Variants in TMEM135 observed in about 807,000 individuals in gnomAD.
TMEM135 encodes peroxisomal membrane protein 52.
A neutral mutation model predicts 60.3 loss-of-function variants in TMEM135; 30 were observed. The observed-to-expected ratio is 0.50, with a 90% CI of 0.37 to 0.68. The LOEUF (loss-of-function observed/expected upper bound fraction) is 0.68, where lower values mean the gene tolerates loss of function less well. TMEM135 is among the 30% of genes least tolerant of loss of function. The pLI, the probability that TMEM135 is intolerant of heterozygous loss-of-function variation, is 0.00. For missense variants in TMEM135, 468 were observed against 548.8 expected (o/e 0.85, Z 1.47); for synonymous variants, 190 against 186.7 (o/e 1.02, Z -0.14).
At chr11:87,149,731 TCTC>T (rs1938508042) in intron 4 of TMEM135, among the ~76,000 whole-genome samples, 1 of 152,188 alleles carries the variant, frequency 6.6e-6, no homozygotes, top group Non-Finnish European at 1.5e-5. Flanking sequence ...CACAAGTCAA[TCTC>T]CTTCTTTACC....
chr11:87,211,170 A>T (rs1391242491), intron 5 of TMEM135, among the ~76,000 whole-genome samples: 2 of 152,200 alleles, frequency 1.3e-5, no homozygotes, highest in Non-Finnish European at 2.9e-5. Flanking sequence ...AGAGCAGGTC[A>T]TACACAGTAA....
chr11:87,259,037 G>A (rs1941589290), intron 6 of TMEM135: 46 of 1,476,666 alleles, frequency 3.1e-5, no homozygotes, highest in Non-Finnish European at 4.2e-5. Context: ...GCTGCCCTGG[G>A]AAACCTGTAC....
intron 8 of TMEM135, among the ~76,000 whole-genome samples, chr11:87,304,203 T>A (rs1439700773): frequency 1.3e-5 from 2 of 152,076 alleles, no homozygotes; most frequent in Non-Finnish European, 2.9e-5. Context: ...AGACCCTGCC[T>A]CTAAAAAAAA....
chr11:87,167,280 A>G (rs1335511976), intron 5 of TMEM135, among the ~76,000 whole-genome samples: 1 of 152,088 alleles, frequency 6.6e-6, no homozygotes. Context: ...CTCTCTTCCT[A>G]TTTGAGTACG....
intron 1 of TMEM135, among the ~76,000 whole-genome samples, chr11:87,041,372 A>G (rs1009130602): frequency 2.6e-5 from 4 of 152,100 alleles, no homozygotes; most frequent in African/African-American, 9.7e-5. Context: ...TTTTTGAACA[A>G]AGGGGTTACA....
intron 4 of TMEM135, among the ~76,000 whole-genome samples, chr11:87,125,232 C>A (rs11234980): frequency 0.041 from 6,184 of 152,204 alleles, 157 homozygotes; most frequent in South Asian, 0.084. Flanking sequence ...ATAGCCAATG[C>A]GCTGTCTTTG....
At chr11:87,062,894 C>T (rs1949964192) in intron 1 of TMEM135, among the ~76,000 whole-genome samples, 1 of 152,124 alleles carries the variant, frequency 6.6e-6, no homozygotes, top group South Asian at 2.1e-4. Context: ...AAGGATTTTT[C>T]ATAGAAATAA....
chr11:87,276,690 A>G (rs1941973444), intron 6 of TMEM135, among the ~76,000 whole-genome samples: 1 of 53,812 alleles, frequency 1.9e-5, no homozygotes, highest in Admixed American at 2.0e-4. Context: ...TTTTTTTGAG[A>G]TGGAGTCTAG....
intron 3 of TMEM135, among the ~76,000 whole-genome samples, chr11:87,075,076 C>T (rs760640081): frequency 7.9e-5 from 12 of 152,272 alleles, no homozygotes; most frequent in East Asian, 7.7e-4. Flanking sequence ...CTCCCACCGC[C>T]TCCCCAACCC....
intron 6 of TMEM135, among the ~76,000 whole-genome samples, chr11:87,247,444 C>T (rs1941308520): frequency 6.6e-6 from 1 of 152,242 alleles, no homozygotes; most frequent in Admixed American, 6.5e-5. Context: ...TTTGTCTGTG[C>T]CATTCCCCCA....
intron 1 of TMEM135, among the ~76,000 whole-genome samples, chr11:87,039,190 C>A (rs1949730291): frequency 6.6e-6 from 1 of 152,166 alleles, no homozygotes; most frequent in South Asian, 2.1e-4. Flanking sequence ...ATCTGTAGTA[C>A]TTCTTGAAAA....
chr11:87,055,988 A>G (rs973700190), intron 1 of TMEM135, among the ~76,000 whole-genome samples: 7 of 152,184 alleles, frequency 4.6e-5, no homozygotes, highest in Non-Finnish European at 7.4e-5. Context: ...CTCCATAGAC[A>G]GAGTAGGATG....
intron 3 of TMEM135, among the ~76,000 whole-genome samples, chr11:87,079,960 G>C (rs1382520015): frequency 2.0e-5 from 3 of 149,744 alleles, no homozygotes; most frequent in African/African-American, 4.9e-5. Flanking sequence ...TCCTGCCTCA[G>C]CCTCTCAAGT....
At chr11:87,210,862 A>C (rs754261268) in intron 5 of TMEM135, among the ~76,000 whole-genome samples, 1 of 152,210 alleles carries the variant, frequency 6.6e-6, no homozygotes, top group African/African-American at 2.4e-5. Context: ...CAGTAATGCA[A>C]TTCACCATAT....
chr11:87,143,464 C>G (rs943080471), intron 4 of TMEM135, among the ~76,000 whole-genome samples: 2 of 149,856 alleles, frequency 1.3e-5, no homozygotes, highest in East Asian at 3.9e-4. Flanking sequence ...ACATTTTATT[C>G]TATATATTTC....
intron 6 of TMEM135, among the ~76,000 whole-genome samples, chr11:87,268,526 G>A (rs908853331): frequency 1.3e-5 from 2 of 152,058 alleles, no homozygotes; most frequent in African/African-American, 2.4e-5. Flanking sequence ...TCTAACAAAT[G>A]ATTTAAGAAT....
chr11:87,038,781 G>A (rs910980902), intron 1 of TMEM135, among the ~76,000 whole-genome samples: 2 of 151,960 alleles, frequency 1.3e-5, no homozygotes, highest in African/African-American at 4.8e-5. Context: ...GTGATTTAAA[G>A]GGTGATGCCA....
Position 87,327,660 on chromosome 11 carries a change from A to T in TMEM135, c.*6327A>T. 2.2e-6 allele frequency: 1 copy of T among 453,992 alleles called. No individual in the cohort carries two copies. The highest frequency in any genetic ancestry group is 1.6e-5 in the South Asian group (1 of 64,462). The allele number at this position is 453,992 out of a possible 1,614,324, so 28.1% of individuals were successfully genotyped here. A position where few individuals can be genotyped will look rare whatever the true frequency, so the allele number is the denominator to read the frequency against. On this transcript the variant is annotated 3_prime_UTR_variant, in exon 15 of 15. Transcript: ENST00000305494. ...CCATTCATAACCTGGAGACCTTGGG[A>T]TGCTGGTGGTCTGGCTCAGTACAAG...
chr11:87,310,447 G>T (rs188887757), intron 10 of TMEM135, among the ~76,000 whole-genome samples: 36 of 152,084 alleles, frequency 2.4e-4, no homozygotes, highest in Middle Eastern at 3.4e-3. Flanking sequence ...TGGACATAAA[G>T]ATGACAACAG....
Sources: allele counts gnomAD v4.1 joint callset (sites outside exome capture counted in the v4.1 genomes callset), GRCh38; gene constraint gnomAD v4.1.1; transcripts MANE v1.5; gene names NCBI Gene and HGNC (gene_info 2026-07-23, HGNC 2026-07-21).